Variants in ZDHHC21 observed in about 807,000 individuals in gnomAD.
ZDHHC21 encodes the protein palmitoyltransferase ZDHHC21.
ZDHHC21 carries 15 observed loss-of-function variants against 34.6 expected under a neutral mutation model. The observed-to-expected ratio is 0.43, with a 90% CI of 0.29 to 0.67. The LOEUF is 0.67. Ranked by LOEUF, ZDHHC21 falls within the 30% of genes least tolerant of loss-of-function variation. The pLI is 0.14. For synonymous variants in ZDHHC21, 142 were observed against 101.8 expected (o/e 1.40, Z -2.38); for missense variants, 344 against 327.7 (o/e 1.05, Z -0.38).
chr9:14,617,320 A>T lies in ZDHHC21; in HGVS notation c.*1646T>A, dbSNP rs1311231341. 6.6e-6 allele frequency: 1 copy of T among 151,966 alleles called. No individual in the cohort carries two copies. The highest frequency in any genetic ancestry group is 1.5e-5 in the Non-Finnish European group (1 of 67,896). 9.4% of individuals were successfully genotyped at this position (151,966 alleles called of 1,614,324 possible). Reference sequence around the variant, plus strand: ...TTTCTGTTCGTATTTCTGAGTTTGTAAGTAATAAAGTATTCTAATTAGAAC... The same window carrying T: ...TTTCTGTTCGTATTTCTGAGTTTGTTAGTAATAAAGTATTCTAATTAGAAC... On this transcript the variant is annotated 3_prime_UTR_variant, in exon 10 of 10. Coordinates refer to ENST00000380916, the MANE Select transcript of ZDHHC21 (RefSeq NM_178566.6).
rs1823896953 is a variant in ZDHHC21, at chr9:14,614,811, A to T, written c.*4155T>A. 6.6e-6 allele frequency: 1 copy of T among 151,736 alleles called. No individual in the cohort carries two copies. Among genetic ancestry groups the T allele is most frequent in the Non-Finnish European group, 1.5e-5 (1 of 67,720 alleles). 9.4% of individuals were successfully genotyped at this position (151,736 alleles called of 1,614,324 possible). A position where few individuals can be genotyped will look rare whatever the true frequency, so the allele number is the denominator to read the frequency against. On this transcript the variant is annotated 3_prime_UTR_variant, in exon 10 of 10. Transcript: ENST00000380916. ...TAGTAGAGTTGTGTGAAAATCTAAT[A>T]TTTGTATCTATTAGCAAACTACTCA...
At chr9:14,688,008 G>A (rs183671414) in intron 2 of ZDHHC21, among the ~76,000 whole-genome samples, 2 of 151,066 alleles carry the variant, frequency 1.3e-5, no homozygotes, top group African/African-American at 2.5e-5. Context: ...CTGAAAATTA[G>A]TCAAGTGTGG....
chr9:14,677,097 T>A (rs879944109), intron 3 of ZDHHC21, among the ~76,000 whole-genome samples: 4 of 151,962 alleles, frequency 2.6e-5, no homozygotes, highest in Admixed American at 2.0e-4. Context: ...CAAATTTTTC[T>A]TCATCACTGG....
chr9:14,657,813 C>G (rs1350680334), intron 7 of ZDHHC21, among the ~76,000 whole-genome samples: 1 of 152,104 alleles, frequency 6.6e-6, no homozygotes, highest in African/African-American at 2.4e-5. Context: ...AAAATTATTA[C>G]CTTAATCTTA....
At chr9:14,659,761 C>A (rs1023218722) in intron 6 of ZDHHC21, among the ~76,000 whole-genome samples, 11 of 152,160 alleles carry the variant, frequency 7.2e-5, no homozygotes, top group African/African-American at 2.4e-4. Context: ...CAGACCTGAA[C>A]TGAAAAACCT....
chr9:14,633,671 C>T (rs1207735925), intron 8 of ZDHHC21, among the ~76,000 whole-genome samples: 1 of 152,152 alleles, frequency 6.6e-6, no homozygotes, highest in African/African-American at 2.4e-5. Flanking sequence ...ACCACCAAGG[C>T]TGAAGCACAA....
Position 14,619,071 on chromosome 9 carries a change from C to T in ZDHHC21, c.693G>A (p.Gln231=). Residue 231 remains glutamine, a synonymous_variant, in exon 10 of 10, where the codon CAG becomes CAA. Transcript: ENST00000380916. ...DISRPRKPWQ[Q]TFSEVFGTRW... ...GAGTGCCAAAAACTTCTGAGAAGGTCTGCTGCCATGGCTTTCGGGGCCTCG... is the reference window on the plus strand; with the variant it reads ...GAGTGCCAAAAACTTCTGAGAAGGTTTGCTGCCATGGCTTTCGGGGCCTCG... 2 of 1,611,494 alleles carry T rather than the reference C, an allele frequency of 1.2e-6. No homozygotes were observed. The highest frequency in any genetic ancestry group is 2.2e-5 in the East Asian group (1 of 44,714).
At chr9:14,651,542 G>A (rs1831244817) in intron 7 of ZDHHC21, among the ~76,000 whole-genome samples, 1 of 151,766 alleles carries the variant, frequency 6.6e-6, no homozygotes. Context: ...TATCCCTTCA[G>A]AAATATTTCA....
chr9:14,624,502 C>T (rs1056455675), intron 8 of ZDHHC21, among the ~76,000 whole-genome samples: 1 of 152,100 alleles, frequency 6.6e-6, no homozygotes, highest in African/African-American at 2.4e-5. Context: ...GAATGAAGTA[C>T]GATCATTTGT....
intron 8 of ZDHHC21, among the ~76,000 whole-genome samples, chr9:14,630,156 C>CGA (rs1827081117): frequency 6.6e-6 from 1 of 152,232 alleles, no homozygotes; most frequent in African/African-American, 2.4e-5. Flanking sequence ...ACTTTACCCA[C>CGA]AGTAGGACTT....
chr9:14,606,585 C>G (rs1288706109), downstream of ZDHHC21, among the ~76,000 whole-genome samples: 1 of 152,080 alleles, frequency 6.6e-6, no homozygotes, highest in Admixed American at 6.6e-5. Flanking sequence ...CTGCTGTGCC[C>G]TTTCTGAATG....
chr9:14,672,924 G>C lies in ZDHHC21; in HGVS notation c.159C>G (p.Phe53Leu). The C allele has an allele frequency of 6.4e-7, 1 of 1,568,162 alleles. No homozygotes were observed. Among genetic ancestry groups the C allele is most frequent in the East Asian group, 2.3e-5 (1 of 44,420 alleles). The change falls in exon 5 of 10, where the codon TTC becomes TTG. Residue 53 changes from phenylalanine to leucine, a missense_variant. Phe to Leu is a conservative substitution (Grantham distance 22, BLOSUM62 0). Transcript: ENST00000380916. ...GHIPGILIII[F>L]YGISIFCLVA... Reference sequence around the variant, plus strand: ...CCAGACAGAATATGGAAATGCCATAGAATACTTTAAAATAAATAAATTAAA... The same window carrying C: ...CCAGACAGAATATGGAAATGCCATACAATACTTTAAAATAAATAAATTAAA...
the ZDHHC21 span, among the ~76,000 whole-genome samples, chr9:14,599,783 A>C: frequency 2.0e-5 from 3 of 151,888 alleles, no homozygotes; most frequent in Non-Finnish European, 4.4e-5. Context: ...GGCGTCCAGC[A>C]TCACATCAAA....
intron 5 of ZDHHC21, among the ~76,000 whole-genome samples, chr9:14,663,520 T>C (rs1368227634): frequency 6.6e-6 from 1 of 150,968 alleles, no homozygotes; most frequent in Non-Finnish European, 1.5e-5. Flanking sequence ...CCAATATTGA[T>C]ATTTTTATTT....
At chr9:14,599,861 C>A in the ZDHHC21 span, among the ~76,000 whole-genome samples, 6 of 152,124 alleles carry the variant, frequency 3.9e-5, no homozygotes, top group African/African-American at 1.2e-4. Context: ...ATATGCAAAT[C>A]AATAAACATA....
the ZDHHC21 span, among the ~76,000 whole-genome samples, chr9:14,591,995 T>C: frequency 1.3e-5 from 2 of 152,196 alleles, no homozygotes; most frequent in African/African-American, 4.8e-5. Context: ...TTTTATACAG[T>C]CTGAAAATGT....
chr9:14,618,220 G>A lies in ZDHHC21; in HGVS notation c.*746C>T, dbSNP rs1269872178. The A allele has an allele frequency of 2.0e-5, 3 of 152,446 alleles. No individual in the cohort carries two copies. The highest frequency in any genetic ancestry group is 4.4e-5 in the Non-Finnish European group (3 of 67,970). The allele number at this position is 152,446 out of a possible 1,614,324, so 9.4% of individuals were successfully genotyped here. A position where few individuals can be genotyped will look rare whatever the true frequency, so the allele number is the denominator to read the frequency against. On this transcript the variant is annotated 3_prime_UTR_variant, in exon 10 of 10. Coordinates refer to ENST00000380916, the MANE Select transcript of ZDHHC21 (RefSeq NM_178566.6). ...CCACTGGTCAGGAGTTCTCCTGGGA[G>A]CAAATATTTTAATCACAATCAATAA...
intron 5 of ZDHHC21, among the ~76,000 whole-genome samples, chr9:14,664,630 G>T (rs1224443580): frequency 6.6e-6 from 1 of 150,498 alleles, no homozygotes; most frequent in Non-Finnish European, 1.5e-5. Flanking sequence ...AGAGAGCAGT[G>T]GTTCTCCCTG....
intron 2 of ZDHHC21, among the ~76,000 whole-genome samples, chr9:14,687,448 A>G (rs1427139791): frequency 6.6e-6 from 1 of 150,770 alleles, no homozygotes; most frequent in Non-Finnish European, 1.5e-5. Flanking sequence ...AGGTGGGCAG[A>G]TCATCTGAGG....
Sources: gnomAD v4.1 joint callset for allele counts (sites outside exome capture counted in the v4.1 genomes callset) on GRCh38, gnomAD v4.1.1 for gene constraint, MANE v1.5 for transcripts, NCBI Gene and HGNC (gene_info 2026-07-23, HGNC 2026-07-21) for gene names.